Variants in PI4KA observed in about 807,000 individuals in gnomAD.
PI4KA encodes phosphatidylinositol 4-kinase alpha, also known as PI4-kinase alpha.
Under a neutral mutation model 271.4 loss-of-function variants are expected in PI4KA, and 122 were observed. The ratio of observed to expected loss-of-function variants is 0.45; its 90% confidence interval spans 0.39 to 0.52. The LOEUF is 0.52. Ranked by LOEUF, PI4KA falls within the 20% of genes least tolerant of loss-of-function variation. The probability of loss-of-function intolerance (pLI) is 0.00; values close to 1 mark genes in which losing one functional copy is unlikely to be tolerated. For synonymous variants in PI4KA, 1,041 were observed against 1,078.8 expected, an observed-to-expected ratio of 0.96 and a Z score of 0.69; for missense variants, 1,969 against 2,769.1, an observed-to-expected ratio of 0.71 and a Z score of 6.48.
At chr22:20,797,086 A>G (rs1935032465) in intron 17 of PI4KA, among the ~76,000 whole-genome samples, 1 of 152,226 alleles carries the variant, frequency 6.6e-6, no homozygotes, top group Non-Finnish European at 1.5e-5. Flanking sequence ...CACCACGTGA[A>G]GCACTAAGCA....
At chr22:20,826,788 TTC>T (rs1438535345) in intron 3 of PI4KA, among the ~76,000 whole-genome samples, 1 of 152,260 alleles carries the variant, frequency 6.6e-6, no homozygotes, top group Non-Finnish European at 1.5e-5. Context: ...TGATTTGCAT[TTC>T]TCTGATTATT....
chr22:20,727,306 G>A lies in PI4KA; in HGVS notation c.4865C>T (p.Ser1622Phe). ...WAPTDPPTGL[S>F]YFSSMYPPHP... is the part of the protein sequence containing the mutation. ...CGGCGGGTACATGCTGGAGAAGTAGGAGAGGCCTGTGGGTGGGTCCGTGGG... is the reference window on the plus strand; with the variant it reads ...CGGCGGGTACATGCTGGAGAAGTAGAAGAGGCCTGTGGGTGGGTCCGTGGG... The change falls in exon 41 of 55, where the codon TCC becomes TTC. Residue 1622 changes from serine to phenylalanine, a missense_variant. Transcript: ENST00000255882. The A allele has an allele frequency of 1.2e-6, 2 of 1,613,408 alleles. No individual in the cohort carries two copies. Among genetic ancestry groups the A allele is most frequent in the South Asian group, 1.1e-5 (1 of 91,070 alleles).
At chr22:20,855,802 C>G (rs1031744962) in intron 1 of PI4KA, among the ~76,000 whole-genome samples, 3 of 152,180 alleles carry the variant, frequency 2.0e-5, no homozygotes, top group Admixed American at 1.3e-4. Flanking sequence ...AGCAGGTATT[C>G]AACATAAATC....
chr22:20,786,969 G>C, intron 19 of PI4KA: 1 of 1,614,160 alleles, frequency 6.2e-7, no homozygotes, highest in South Asian at 1.1e-5. Context: ...ACCCAAGTCC[G>C]CTTCACTGTC....
chr22:20,817,734 C>CAAAAAAAAAAAA lies in PI4KA; in HGVS notation c.856+737_856+748dup. Among the ~76,000 whole-genome samples the CAAAAAAAAAAAA allele has an allele frequency of 1.1e-3, 16 of 13,970 alleles. 4 individuals are homozygous for CAAAAAAAAAAAA. The highest frequency in any genetic ancestry group is 1.7e-3 in the Non-Finnish European group (13 of 7,460). The allele number at this position is 13,970 out of a possible 152,430, so 9.2% of individuals were successfully genotyped here. On this transcript the variant is annotated intron_variant, in intron 7 of 54. Transcript: ENST00000255882. ...GGGTGGCAGAGTGAGACTCTCTCTCCAAAAAAAAAAAAAAAAAAAAAAAAA... is the reference window on the plus strand; with the variant it reads ...GGGTGGCAGAGTGAGACTCTCTCTCCAAAAAAAAAAAAAAAAAAAAAAAAAAAAAAAAAAAAA...
rs200639976 is a variant in PI4KA, at chr22:20,777,043, G to T, written c.2329-11350C>A. 1.6e-3 allele frequency among the ~76,000 whole-genome samples: 233 copies of T among 148,640 alleles called. 1 individual carries two copies. The highest frequency in any genetic ancestry group is 6.8e-3 in the Middle Eastern group (2 of 292). ...GCTTAACAAAAGGCAGTTTTTTTTT[G>T]TTTTTTTTTTGTTTTCTGTTTTTTG... On this transcript the variant is annotated intron_variant, in intron 19 of 54. Transcript: ENST00000255882.
chr22:20,814,152 C>A (rs1325921899), intron 7 of PI4KA, among the ~76,000 whole-genome samples: 1 of 148,906 alleles, frequency 6.7e-6, no homozygotes, highest in Non-Finnish European at 1.5e-5. Flanking sequence ...TCCACAGGGC[C>A]TCAGAGATAT....
At position 20,714,248 on chromosome 22, in the gene PI4KA, C is replaced by T. The variant is rs552376009; in HGVS notation, c.5461+210G>A. ...CTGCTGGAGCATGCCAGCTGACTCA[C>T]GGCAGACAGACCTCTGGGGTGGCAC... On this transcript the variant is annotated intron_variant, in intron 47 of 54. Coordinates refer to ENST00000255882, the MANE Select transcript of PI4KA (RefSeq NM_058004.4). Among the ~76,000 whole-genome samples, 489 of 152,184 alleles carry T rather than the reference C, an allele frequency of 3.2e-3. 3 individuals are homozygous for T. Among genetic ancestry groups the T allele is most frequent in the African/African-American group, 6.3e-3 (260 of 41,530 alleles).
Position 20,792,771 on chromosome 22 carries a change from TAGCTCCGAGGCCTG to T in PI4KA, c.2328+408_2328+421del, listed in dbSNP as rs1934733793. ...CGTCCCCTGAAGGAGACTGGGGCCA[TAGCTCCGAGGCCTG>T]AGCGCCGACAAGAGGCTTCCAGGCC... On this transcript the variant is annotated intron_variant, in intron 19 of 54. Transcript: ENST00000255882. 2.0e-5 allele frequency among the ~76,000 whole-genome samples: 3 copies of T among 152,266 alleles called. No homozygotes were observed. In the East Asian group the frequency reaches 5.8e-4, roughly 29 times the overall value.
intron 32 of PI4KA, 136 bp downstream of exon 32, chr22:20,742,092 T>C (rs1929526193): frequency 1.2e-6 from 1 of 835,184 alleles, no homozygotes; most frequent in Non-Finnish European, 1.9e-6. Flanking sequence ...TAATAGAATC[T>C]GTAAGGAGAC....
At chr22:20,744,409 TAC>T (rs1181643489) in intron 30 of PI4KA, among the ~76,000 whole-genome samples, 1 of 151,104 alleles carries the variant, frequency 6.6e-6, no homozygotes, top group East Asian at 1.9e-4. Flanking sequence ...AGCCAAAGTG[TAC>T]ACAGAGTTAC....
At chr22:20,785,823 C>T (rs1010508890) in intron 19 of PI4KA, among the ~76,000 whole-genome samples, 4 of 152,130 alleles carry the variant, frequency 2.6e-5, no homozygotes, top group South Asian at 2.1e-4. Context: ...TTTTCAGTAG[C>T]GGAATTACAA....
intron 4 of PI4KA, among the ~76,000 whole-genome samples, chr22:20,823,951 A>G (rs1211891238): frequency 6.6e-6 from 1 of 152,078 alleles, no homozygotes; most frequent in East Asian, 1.9e-4. Context: ...AAAAGAAAAG[A>G]AAATGATCTT....
intron 22 of PI4KA, 97 bp downstream of exon 22, chr22:20,764,720 G>A: frequency 7.6e-7 from 1 of 1,308,348 alleles, no homozygotes. Flanking sequence ...CATGTCTTGG[G>A]AGAAGTTGAA....
intron 40 of PI4KA, 179 bp from the exon 41 acceptor site, chr22:20,727,576 C>CA (rs1927515098): frequency 5.9e-6 from 4 of 683,518 alleles, no homozygotes; most frequent in Non-Finnish European, 9.8e-6. Flanking sequence ...GGGTGAAGTG[C>CA]ATTACATTTT....
intron 4 of PI4KA, among the ~76,000 whole-genome samples, chr22:20,822,191 T>C (rs896049200): frequency 2.0e-5 from 3 of 152,120 alleles, no homozygotes; most frequent in African/African-American, 7.2e-5. Context: ...ATTACAGGCA[T>C]GTGTCACTAT....
In PI4KA at chr22:20,747,031, C is replaced by A. The variant is rs1930188942; in HGVS notation, c.3363+552G>T. Among the ~76,000 whole-genome samples the A allele has an allele frequency of 2.6e-5, 4 of 152,334 alleles. No individual in the cohort carries two copies. In the South Asian group the frequency reaches 8.3e-4, roughly 32 times the overall value. On this transcript the variant is annotated intron_variant, in intron 29 of 54. Transcript: ENST00000255882. The stretch of plus-strand genomic sequence containing the variant: ...TCACATTAACCAACAAAATCTCTGA[C>A]CAGCCCCAGTCACATGGCCAGGTGG...
intron 19 of PI4KA, among the ~76,000 whole-genome samples, chr22:20,783,713 T>C (rs762992094): frequency 9.9e-5 from 15 of 152,188 alleles, no homozygotes; most frequent in Admixed American, 2.6e-4. Flanking sequence ...GCGAGTTAGG[T>C]GCCTTACCAT....
intron 17 of PI4KA, among the ~76,000 whole-genome samples, chr22:20,798,130 T>C (rs935074608): frequency 5.3e-5 from 8 of 152,202 alleles, no homozygotes; most frequent in Admixed American, 3.3e-4. Context: ...GCATCAAAGA[T>C]GCTCAGAGAT....
Sources: gnomAD v4.1 joint callset for allele counts (sites outside exome capture counted in the v4.1 genomes callset) on GRCh38, gnomAD v4.1.1 for gene constraint, MANE v1.5 for transcripts, NCBI Gene and HGNC (gene_info 2026-07-23, HGNC 2026-07-21) for gene names.